ELOVL2: variants seen among roughly 807,000 people sequenced by gnomAD.
The protein encoded by ELOVL2 is ELOVL fatty acid elongase 2.
Under a neutral mutation model 37.7 loss-of-function variants are expected in ELOVL2, and 38 were observed. The observed-to-expected ratio is 1.01, with a 90% CI of 0.78 to 1.32. The LOEUF is 1.32. Ranked by LOEUF, ELOVL2 falls within the 40% of genes most tolerant of loss-of-function variation. The pLI, the probability that ELOVL2 is intolerant of heterozygous loss-of-function variation, is 0.00. For missense variants in ELOVL2, 352 were observed against 363.6 expected (o/e 0.97, Z 0.26); for synonymous variants, 115 against 122.3 (o/e 0.94, Z 0.40).
chr6:10,984,267 C>T (rs1782001264), intron 7 of ELOVL2, among the ~76,000 whole-genome samples: 1 of 152,172 alleles, frequency 6.6e-6, no homozygotes, highest in Non-Finnish European at 1.5e-5. Flanking sequence ...ATCCACCCGC[C>T]TCGGCCTCCC....
intron 3 of ELOVL2, among the ~76,000 whole-genome samples, chr6:11,002,554 T>G (rs1300189200): frequency 2.0e-5 from 3 of 152,176 alleles, no homozygotes; most frequent in Non-Finnish European, 4.4e-5. Flanking sequence ...GATTTTGAAC[T>G]GAACTAAGTG....
intron 1 of ELOVL2, among the ~76,000 whole-genome samples, chr6:11,017,863 G>A (rs917443105): frequency 6.6e-6 from 1 of 152,174 alleles, no homozygotes; most frequent in Non-Finnish European, 1.5e-5. Context: ...CAAGAACAAT[G>A]CCTGGCACAT....
intron 7 of ELOVL2, among the ~76,000 whole-genome samples, chr6:10,984,930 C>T (rs187863470): frequency 1.8e-4 from 28 of 152,232 alleles, no homozygotes; most frequent in Admixed American, 1.4e-3. Flanking sequence ...CCTGAGGAAT[C>T]GCCACACTGA....
intron 2 of ELOVL2, among the ~76,000 whole-genome samples, chr6:11,008,181 C>T (rs1782511143): frequency 6.6e-6 from 1 of 152,096 alleles, no homozygotes; most frequent in African/African-American, 2.4e-5. Flanking sequence ...TTCCTGATGG[C>T]TTACATGCTA....
At chr6:11,035,124 T>C (rs1456161295) in intron 1 of ELOVL2, among the ~76,000 whole-genome samples, 3 of 152,204 alleles carry the variant, frequency 2.0e-5, no homozygotes, top group Admixed American at 1.3e-4. Flanking sequence ...GTTCCATAAA[T>C]ATATTTGTGT....
At chr6:11,004,604 C>T (rs1019983145) in intron 3 of ELOVL2, among the ~76,000 whole-genome samples, 2 of 152,020 alleles carry the variant, frequency 1.3e-5, no homozygotes, top group Admixed American at 6.6e-5. Flanking sequence ...TAGAGCTGAG[C>T]TAAAACGTCA....
At chr6:11,041,560 A>C (rs1783097465) in intron 1 of ELOVL2, among the ~76,000 whole-genome samples, 1 of 152,084 alleles carries the variant, frequency 6.6e-6, no homozygotes, top group Non-Finnish European at 1.5e-5. Context: ...TAGAAACTTA[A>C]GTCAATAAGG....
chr6:11,026,073 T>C (rs772613573), intron 1 of ELOVL2, among the ~76,000 whole-genome samples: 1 of 152,266 alleles, frequency 6.6e-6, no homozygotes, highest in East Asian at 1.9e-4. Flanking sequence ...TTCAGGATGG[T>C]GAAGTGGAAG....
At chr6:11,029,455 A>G (rs1382869128) in intron 1 of ELOVL2, among the ~76,000 whole-genome samples, 2 of 152,186 alleles carry the variant, frequency 1.3e-5, no homozygotes, top group African/African-American at 2.4e-5. Flanking sequence ...AAAAGCATCT[A>G]TGACAGGCCT....
At position 10,995,286 on chromosome 6, in the gene ELOVL2, T is replaced by C. The variant is rs928880807; in HGVS notation, c.334-108A>G. The C allele has an allele frequency of 2.4e-5, 20 of 843,660 alleles. No homozygotes were observed. In the Admixed American group the frequency reaches 4.3e-4, roughly 18 times the overall value. 52.3% of individuals were successfully genotyped at this position (843,660 alleles called of 1,614,324 possible). A position where few individuals can be genotyped will look rare whatever the true frequency, so the allele number is the denominator to read the frequency against. The stretch of plus-strand genomic sequence containing the variant: ...TGCCTGTGGTTTCCTGCTGTTTCTT[T>C]CTCACTGCTGAAAAGGCAGCTCACC... On this transcript the variant is annotated intron_variant, in intron 4 of 7. Transcript: ENST00000354666.
At chr6:11,027,911 C>T (rs1782863326) in intron 1 of ELOVL2, among the ~76,000 whole-genome samples, 1 of 152,178 alleles carries the variant, frequency 6.6e-6, no homozygotes, top group East Asian at 1.9e-4. Flanking sequence ...AAATTGATTC[C>T]AGTTTGTCAA....
chr6:10,998,441 AT>A (rs980318773), intron 4 of ELOVL2, among the ~76,000 whole-genome samples: 3 of 151,570 alleles, frequency 2.0e-5, no homozygotes, highest in African/African-American at 4.8e-5. Context: ...TTTCCCTCTA[AT>A]TTTTTTTTCC....
chr6:11,000,029 T>C (rs1782351843), intron 4 of ELOVL2, 58 bp downstream of exon 4: 1 of 1,504,084 alleles, frequency 6.6e-7, no homozygotes, highest in South Asian at 1.1e-5. Context: ...GGAGAAAACC[T>C]CCTCTCCTTG....
At chr6:11,028,519 G>C (rs147762964) in intron 1 of ELOVL2, among the ~76,000 whole-genome samples, 1 of 151,988 alleles carries the variant, frequency 6.6e-6, no homozygotes, top group East Asian at 1.9e-4. Context: ...CTATTGATTG[G>C]TTTATAAAGA....
intron 2 of ELOVL2, among the ~76,000 whole-genome samples, chr6:11,007,272 G>A (rs1374424227): frequency 6.6e-6 from 1 of 152,214 alleles, no homozygotes; most frequent in East Asian, 1.9e-4. Flanking sequence ...ATCTGTGAAT[G>A]TGACATTATT....
intron 1 of ELOVL2, among the ~76,000 whole-genome samples, chr6:11,026,584 T>C (rs1320801506): frequency 1.3e-5 from 2 of 152,184 alleles, no homozygotes; most frequent in Non-Finnish European, 2.9e-5. Flanking sequence ...AACTGATTCT[T>C]AGAGAGCCTC....
intron 5 of ELOVL2, among the ~76,000 whole-genome samples, chr6:10,992,333 A>ATGT (rs779937565): frequency 1.3e-5 from 2 of 152,232 alleles, no homozygotes; most frequent in Non-Finnish European, 2.9e-5. Context: ...GAAGTTTTAC[A>ATGT]TGTTCTGATT....
At chr6:11,010,593 T>C (rs1055569270) in intron 2 of ELOVL2, among the ~76,000 whole-genome samples, 153 bp downstream of exon 2, 1 of 152,210 alleles carries the variant, frequency 6.6e-6, no homozygotes, top group Admixed American at 6.5e-5. Context: ...TTCTGGACAT[T>C]CTGGAAGGAT....
At chr6:11,035,712 G>A (rs1782995689) in intron 1 of ELOVL2, among the ~76,000 whole-genome samples, 2 of 152,176 alleles carry the variant, frequency 1.3e-5, no homozygotes, top group Non-Finnish European at 2.9e-5. Context: ...TGGATGGAAT[G>A]GCACATGGAC....
Sources: gnomAD v4.1 joint callset for allele counts (sites outside exome capture counted in the v4.1 genomes callset) on GRCh38, gnomAD v4.1.1 for gene constraint, MANE v1.5 for transcripts, NCBI Gene and HGNC (gene_info 2026-07-23, HGNC 2026-07-21) for gene names.